Variants in SBF2 observed in about 807,000 individuals in gnomAD.
SBF2 encodes SET binding factor 2, also known as myotubularin-related protein 13.
A neutral mutation model predicts 225.2 loss-of-function variants in SBF2; 112 were observed. That is an observed-to-expected ratio of 0.50 (90% CI 0.43 to 0.58). The LOEUF (loss-of-function observed/expected upper bound fraction) is 0.58. Among genes scored for constraint, SBF2 ranks in the 20% least tolerant of loss-of-function variants. SBF2 has a pLI of 0.00. For synonymous variants in SBF2, 763 were observed against 773.3 expected, an observed-to-expected ratio of 0.99 and a Z score of 0.22; for missense variants, 1,996 against 2,206.2, an observed-to-expected ratio of 0.90 and a Z score of 1.91.
chr11:10,042,128 T>C (rs894575406), intron 3 of SBF2, among the ~76,000 whole-genome samples: 1 of 152,226 alleles, frequency 6.6e-6, no homozygotes, highest in Non-Finnish European at 1.5e-5. Context: ...GTCTGATATA[T>C]ACCCAGCATT....
intron 2 of SBF2, among the ~76,000 whole-genome samples, chr11:10,108,302 T>C (rs1010772109): frequency 3.9e-5 from 6 of 152,074 alleles, no homozygotes; most frequent in African/African-American, 1.4e-4. Flanking sequence ...AATCAGACAG[T>C]TTACAATTAG....
intron 30 of SBF2, among the ~76,000 whole-genome samples, chr11:9,811,701 A>G (rs1357021314): frequency 6.6e-6 from 1 of 151,754 alleles, no homozygotes; most frequent in Non-Finnish European, 1.5e-5. Context: ...CACAGCCCTG[A>G]GTACTGACAT....
In SBF2 at chr11:9,780,791, G is replaced by A. The variant is rs1851954961; in HGVS notation, c.5452-275C>T. ...CTTAGTGTCGTCTTTGACTAAGGAG[G>A]AAGGGTCAGCAATGAATGGTGCCTT... is the stretch of plus-strand genomic sequence containing the variant. On this transcript the variant is annotated intron_variant, in intron 39 of 39. Transcript: ENST00000256190. The A allele has an allele frequency of 3.8e-5, 17 of 444,246 alleles. No homozygotes were observed. The Admixed American group carries it at 5.4e-4, about 14-fold the overall frequency. The allele number at this position is 444,246 out of a possible 1,614,324, so 27.5% of individuals were successfully genotyped here.
intron 2 of SBF2, among the ~76,000 whole-genome samples, chr11:10,056,713 A>T (rs1482702839): frequency 6.6e-6 from 1 of 152,240 alleles, no homozygotes; most frequent in Non-Finnish European, 1.5e-5. Context: ...AGGACCTCCC[A>T]ACCAGGGCCT....
intron 16 of SBF2, among the ~76,000 whole-genome samples, chr11:9,941,130 C>T (rs1206070028): frequency 1.3e-5 from 2 of 151,820 alleles, no homozygotes; most frequent in Non-Finnish European, 2.9e-5. Context: ...AGCAATAAAG[C>T]GAGACCCTGT....
intron 1 of SBF2, among the ~76,000 whole-genome samples, chr11:10,232,969 T>C (rs746958009): frequency 6.6e-6 from 1 of 151,990 alleles, no homozygotes; most frequent in African/African-American, 2.4e-5. Flanking sequence ...AAACCAAGAG[T>C]ACAAATTTGC....
At chr11:10,056,144 C>A (rs1032144787) in intron 2 of SBF2, among the ~76,000 whole-genome samples, 1 of 152,194 alleles carries the variant, frequency 6.6e-6, no homozygotes, top group African/African-American at 2.4e-5. Flanking sequence ...GTCACTGTAG[C>A]CTTGCACTAT....
Position 9,780,062 on chromosome 11 carries a change from G to C in SBF2, c.*356C>G, listed in dbSNP as rs930583672. On this transcript the variant is annotated 3_prime_UTR_variant, in exon 40 of 40. Coordinates refer to ENST00000256190, the MANE Select transcript of SBF2 (RefSeq NM_030962.4). The stretch of plus-strand genomic sequence containing the variant: ...GGTCTCCGAGGAAATTATGACCTCA[G>C]AGAACAAAAAAGGATCTATAGCTTT... 2 of 315,296 alleles carry C rather than the reference G, an allele frequency of 6.3e-6. No individual in the cohort carries two copies. The highest frequency in any genetic ancestry group is 4.3e-5 in the African/African-American group (2 of 46,870). The allele number at this position is 315,296 out of a possible 1,614,324, so 19.5% of individuals were successfully genotyped here.
At chr11:10,038,100 T>C (rs1362946451) in intron 3 of SBF2, among the ~76,000 whole-genome samples, 1 of 151,982 alleles carries the variant, frequency 6.6e-6, no homozygotes, top group Non-Finnish European at 1.5e-5. Context: ...ATTGGTTTTG[T>C]TCCCATAATT....
At chr11:9,840,402 G>A (rs1856047657) in intron 25 of SBF2, among the ~76,000 whole-genome samples, 1 of 152,138 alleles carries the variant, frequency 6.6e-6, no homozygotes, top group Non-Finnish European at 1.5e-5. Flanking sequence ...AATTAAAAGT[G>A]TAATGAATAG....
intron 28 of SBF2, chr11:9,828,622 T>G: frequency 1.0e-6 from 1 of 985,366 alleles, no homozygotes. Flanking sequence ...TGGGGTTCCA[T>G]CACATGATAA....
chr11:10,060,778 C>T (rs1950412666), intron 2 of SBF2, among the ~76,000 whole-genome samples: 1 of 152,114 alleles, frequency 6.6e-6, no homozygotes, highest in South Asian at 2.1e-4. Context: ...CCTGTAATCC[C>T]AGCACTTTGG....
chr11:9,999,359 C>T (rs1342630261), intron 8 of SBF2, among the ~76,000 whole-genome samples: 1 of 151,898 alleles, frequency 6.6e-6, no homozygotes, highest in African/African-American at 2.4e-5. Flanking sequence ...GTCTTACTCT[C>T]GCCCAGGCTG....
intron 2 of SBF2, among the ~76,000 whole-genome samples, chr11:10,075,455 C>A (rs893661784): frequency 6.6e-6 from 1 of 152,158 alleles, no homozygotes; most frequent in Admixed American, 6.5e-5. Flanking sequence ...TGTCCCCACC[C>A]AAATCTTATG....
chr11:10,179,462 A>G (rs1956637765), intron 2 of SBF2, among the ~76,000 whole-genome samples: 1 of 152,202 alleles, frequency 6.6e-6, no homozygotes, highest in African/African-American at 2.4e-5. Context: ...TATCCTTGAG[A>G]ATGATCCATG....
intron 22 of SBF2, among the ~76,000 whole-genome samples, chr11:9,849,354 A>G (rs1856766015): frequency 6.6e-6 from 1 of 152,242 alleles, no homozygotes. Context: ...TGTTTTGCCC[A>G]AAGTCTTAAT....
chr11:9,941,619 T>G lies in SBF2; in HGVS notation c.1860+20338A>C, dbSNP rs11042562. 4.7e-3 allele frequency among the ~76,000 whole-genome samples: 712 copies of G among 152,276 alleles called. 20 individuals carry two copies. In the East Asian group the frequency reaches 0.077, roughly 16 times the overall value. ...AAGCATTTCATAAAACTGACACCTA[T>G]TATGACAAAAACTCTTAAACCAGGA... On this transcript the variant is annotated intron_variant, in intron 16 of 39. Transcript: ENST00000256190.
chr11:10,153,859 G>A (rs1955340381), intron 2 of SBF2, among the ~76,000 whole-genome samples: 2 of 152,044 alleles, frequency 1.3e-5, no homozygotes, highest in African/African-American at 4.8e-5. Context: ...CTGAGAGATG[G>A]ATTGAAGATC....
At chr11:9,894,523 AG>A (rs1250810528) in intron 17 of SBF2, among the ~76,000 whole-genome samples, 1 of 151,942 alleles carries the variant, frequency 6.6e-6, no homozygotes, top group Non-Finnish European at 1.5e-5. Context: ...TCACAAAAAA[AG>A]AAAAAAAAAA....
Sources: gnomAD v4.1 joint callset for allele counts (sites outside exome capture counted in the v4.1 genomes callset) on GRCh38, gnomAD v4.1.1 for gene constraint, MANE v1.5 for transcripts, NCBI Gene and HGNC (gene_info 2026-07-23, HGNC 2026-07-21) for gene names.